Variants in C3orf20 observed in about 807,000 individuals in gnomAD.
C3orf20 encodes the protein uncharacterized protein C3orf20.
Under a neutral mutation model 88.3 loss-of-function variants are expected in C3orf20, and 76 were observed. The ratio of observed to expected loss-of-function variants is 0.86; its 90% CI spans 0.72 to 1.04. The LOEUF (loss-of-function observed/expected upper bound fraction) is 1.04. Among genes scored for constraint, C3orf20 ranks in the 50% least tolerant of loss-of-function variants. The pLI is 0.00. For missense variants in C3orf20, 1,056 were observed against 1,123.3 expected (o/e 0.94, Z 0.86); for synonymous variants, 436 against 437.4 (o/e 1.00, Z 0.04).
intron 5 of C3orf20, among the ~76,000 whole-genome samples, chr3:14,690,379 G>A (rs557017340): frequency 7.9e-5 from 12 of 152,138 alleles, no homozygotes; most frequent in Non-Finnish European, 1.5e-4. Flanking sequence ...GCGATGTGGC[G>A]TCCCTCCTCT....
At chr3:14,700,982 GTGTCCAA>G (rs2033238516) in intron 5 of C3orf20, among the ~76,000 whole-genome samples, 1 of 152,226 alleles carries the variant, frequency 6.6e-6, no homozygotes, top group South Asian at 2.1e-4. Flanking sequence ...TTTCTGGAAG[GTGTCCAA>G]TGTTACAAGA....
At chr3:14,738,823 T>TTTG (rs921824212) in intron 12 of C3orf20, among the ~76,000 whole-genome samples, 14 of 146,888 alleles carry the variant, frequency 9.5e-5, no homozygotes, top group African/African-American at 3.2e-4. Flanking sequence ...TTGTTTTTTT[T>TTTG]TTTTTTTTTT....
chr3:14,719,179 A>G (rs1268060202), intron 9 of C3orf20, among the ~76,000 whole-genome samples: 8 of 149,578 alleles, frequency 5.3e-5, no homozygotes, highest in African/African-American at 2.0e-4. Flanking sequence ...TGAGGAAGGC[A>G]GCCTGTCAGG....
chr3:14,703,827 C>T (rs764394261), intron 6 of C3orf20, among the ~76,000 whole-genome samples: 34 of 152,206 alleles, frequency 2.2e-4, no homozygotes, highest in Non-Finnish European at 7.3e-5. Context: ...GGCCATCCCA[C>T]AAGCCCTAGC....
chr3:14,688,611 C>G (rs2032565960), intron 4 of C3orf20, among the ~76,000 whole-genome samples: 1 of 151,766 alleles, frequency 6.6e-6, no homozygotes. Context: ...AAGTAGTCTT[C>G]CCTCCTGTCC....
At chr3:14,726,203 G>A (rs2034339137) in intron 10 of C3orf20, among the ~76,000 whole-genome samples, 1 of 152,254 alleles carries the variant, frequency 6.6e-6, no homozygotes, top group Admixed American at 6.5e-5. Context: ...CCATGGCAGA[G>A]GCCTCAGCGA....
chr3:14,676,272 T>C (rs2031767102), intron 1 of C3orf20, among the ~76,000 whole-genome samples: 1 of 152,060 alleles, frequency 6.6e-6, no homozygotes, highest in African/African-American at 2.4e-5. Context: ...GTCTCCCAGG[T>C]TGCAAGTGAG....
intron 7 of C3orf20, among the ~76,000 whole-genome samples, chr3:14,707,751 G>A (rs914236146): frequency 6.7e-6 from 1 of 150,268 alleles, no homozygotes; most frequent in South Asian, 2.1e-4. Context: ...CGCTGCTTAT[G>A]CATTTGGCTT....
At chr3:14,703,084 C>A (rs768862329) in intron 5 of C3orf20, 46 bp from the exon 6 acceptor site, 5 of 1,606,218 alleles carry the variant, frequency 3.1e-6, no homozygotes, top group Non-Finnish European at 4.3e-6. Flanking sequence ...AAGGTGGGTT[C>A]CCATGGTCTT....
chr3:14,752,594 A>G (rs1236139260), intron 12 of C3orf20, among the ~76,000 whole-genome samples: 3 of 152,230 alleles, frequency 2.0e-5, no homozygotes, highest in Non-Finnish European at 4.4e-5. Context: ...TCCATCTGAC[A>G]AAGAGCCAAT....
chr3:14,690,449 C>T (rs897968490), intron 5 of C3orf20, among the ~76,000 whole-genome samples: 4 of 152,234 alleles, frequency 2.6e-5, no homozygotes, highest in African/African-American at 9.6e-5. Flanking sequence ...ACTCACGCCT[C>T]TGCTCAGACA....
intron 1 of C3orf20, among the ~76,000 whole-genome samples, chr3:14,676,278 G>A (rs916486810): frequency 2.6e-5 from 4 of 152,222 alleles, no homozygotes; most frequent in African/African-American, 9.6e-5. Context: ...CAGGTTGCAA[G>A]TGAGTCTGGT....
intron 13 of C3orf20, among the ~76,000 whole-genome samples, chr3:14,759,505 A>G (rs2035491684): frequency 6.6e-6 from 1 of 152,090 alleles, no homozygotes; most frequent in South Asian, 2.1e-4. Context: ...ATGCTGTGTA[A>G]AGTAGACTCA....
chr3:14,707,497 G>C (rs948632494), intron 7 of C3orf20, among the ~76,000 whole-genome samples: 4 of 146,788 alleles, frequency 2.7e-5, no homozygotes, highest in African/African-American at 5.0e-5. Context: ...GTGTGTTTTG[G>C]TGTATCTTCT....
intron 15 of C3orf20, among the ~76,000 whole-genome samples, chr3:14,764,182 A>G (rs111491142): frequency 4.6e-5 from 7 of 152,158 alleles, no homozygotes; most frequent in African/African-American, 7.2e-5. Flanking sequence ...ATACACACAT[A>G]TACACAAACC....
intron 4 of C3orf20, among the ~76,000 whole-genome samples, chr3:14,684,883 A>G (rs531449140): frequency 3.8e-4 from 58 of 152,296 alleles, no homozygotes; most frequent in Middle Eastern, 3.4e-3. Context: ...TCCAGAAGTC[A>G]TACAAGAATG....
chr3:14,716,599 T>C (rs543691475), intron 9 of C3orf20, among the ~76,000 whole-genome samples: 81 of 152,318 alleles, frequency 5.3e-4, no homozygotes, highest in African/African-American at 1.9e-3. Context: ...TCCCTTGGCC[T>C]GAAATGCACC....
intron 9 of C3orf20, among the ~76,000 whole-genome samples, chr3:14,717,298 A>G (rs2033977344): frequency 6.6e-6 from 1 of 152,176 alleles, no homozygotes; most frequent in Non-Finnish European, 1.5e-5. Context: ...GTTGACTGTT[A>G]TATATTTCCT....
intron 12 of C3orf20, among the ~76,000 whole-genome samples, chr3:14,739,765 T>C (rs2034844757): frequency 6.6e-6 from 1 of 152,274 alleles, no homozygotes; most frequent in Non-Finnish European, 1.5e-5. Flanking sequence ...ATGCTTTAGC[T>C]TCTTAATCAG....
Sources: allele counts gnomAD v4.1 joint callset (sites outside exome capture counted in the v4.1 genomes callset), GRCh38; gene constraint gnomAD v4.1.1; transcripts MANE v1.5; gene names NCBI Gene and HGNC (gene_info 2026-07-23, HGNC 2026-07-21).